The following ACSS3 variants were observed in gnomAD, a reference collection of about 807,000 sequenced individuals.
ACSS3 encodes acyl-CoA synthetase short-chain family member 3, mitochondrial.
A neutral mutation model predicts 84.2 loss-of-function variants in ACSS3; 64 were observed. The ratio of observed to expected loss-of-function variants is 0.76; its 90% CI spans 0.62 to 0.94. The LOEUF is 0.94. ACSS3 is among the 40% of genes least tolerant of loss of function. ACSS3 has a pLI of 0.00. For synonymous variants in ACSS3, 317 were observed against 310.1 expected (o/e 1.02, Z -0.23); for missense variants, 815 against 867.6 (o/e 0.94, Z 0.76).
At chr12:81,090,896 C>G (rs905885060) in intron 1 of ACSS3, among the ~76,000 whole-genome samples, 10 of 152,020 alleles carry the variant, frequency 6.6e-5, no homozygotes, top group Admixed American at 2.0e-4. Context: ...ATGCTCAAAT[C>G]CCTTATATAA....
intron 7 of ACSS3, among the ~76,000 whole-genome samples, chr12:81,167,717 A>G (rs1400559598): frequency 6.6e-6 from 1 of 152,152 alleles, no homozygotes; most frequent in Non-Finnish European, 1.5e-5. Flanking sequence ...CCACCTTCCA[A>G]CACTGTTGCA....
At chr12:81,166,559 G>T (rs1887412731) in intron 7 of ACSS3, among the ~76,000 whole-genome samples, 1 of 152,176 alleles carries the variant, frequency 6.6e-6, no homozygotes, top group Non-Finnish European at 1.5e-5. Context: ...GAAAAGCAAA[G>T]TGTACTAAAG....
intron 13 of ACSS3, among the ~76,000 whole-genome samples, chr12:81,243,388 C>G (rs7309247): frequency 0.014 from 2,129 of 152,220 alleles, 48 homozygotes; most frequent in African/African-American, 0.041. Context: ...GAACATTCCA[C>G]GCTCATGGGT....
At chr12:81,235,533 A>C (rs1296280392) in intron 13 of ACSS3, among the ~76,000 whole-genome samples, 1 of 151,224 alleles carries the variant, frequency 6.6e-6, no homozygotes, top group Admixed American at 6.6e-5. Context: ...CCCATGCATA[A>C]ATTTTGATTC....
At chr12:81,157,899 T>A (rs183865512) in intron 7 of ACSS3, among the ~76,000 whole-genome samples, 4 of 151,560 alleles carry the variant, frequency 2.6e-5, no homozygotes, top group African/African-American at 9.7e-5. Flanking sequence ...TATTTGCAGA[T>A]GGCATGATTA....
rs397851051 is a variant in ACSS3 at position 81,148,897 on chromosome 12, T to TAAAAAA, written c.922-2927_922-2922dup. Among the ~76,000 whole-genome samples the TAAAAAA allele has an allele frequency of 2.4e-4, 20 of 81,818 alleles. 1 individual carries two copies. Among genetic ancestry groups the TAAAAAA allele is most frequent in the African/African-American group, 9.7e-4 (19 of 19,658 alleles). 53.7% of individuals were successfully genotyped at this position (81,818 alleles called of 152,430 possible). A position where few individuals can be genotyped will look rare whatever the true frequency, so the allele number is the denominator to read the frequency against. ...TAGCACGGTGAAACCCTGCCTCTAC[T>TAAAAAA]AAAAAAAAAAAAAAAAAAAAAAAAA... On this transcript the variant is annotated intron_variant, in intron 5 of 15. Transcript: ENST00000548058.
rs1450721540 is a variant in ACSS3 at position 81,257,541 on chromosome 12, A to T, written c.*2619A>T. The stretch of plus-strand genomic sequence containing the variant: ...ATTTTCATAGGATTTCTTACTGTTA[A>T]GTTATTGGAAAATGAAAATATAAAG... On this transcript the variant is annotated 3_prime_UTR_variant, in exon 16 of 16. Transcript: ENST00000548058. 2.0e-5 allele frequency: 3 copies of T among 152,158 alleles called. No homozygotes were observed. Among genetic ancestry groups the T allele is most frequent in the Non-Finnish European group, 4.4e-5 (3 of 68,020 alleles). The allele number at this position is 152,158 out of a possible 1,614,324, so 9.4% of individuals were successfully genotyped here. A position where few individuals can be genotyped will look rare whatever the true frequency, so the allele number is the denominator to read the frequency against.
In ACSS3 at chr12:81,231,019, C is replaced by T. The variant is rs769715797; in HGVS notation, c.1515-38C>T. On this transcript the variant is annotated intron_variant, in intron 11 of 15. Coordinates refer to ENST00000548058, the MANE Select transcript of ACSS3 (RefSeq NM_024560.4). ...TCTAATCAACCTGTCTTTATTACCA[C>T]TTTCATCATAATTTTAACTTCTCTG... The T allele has an allele frequency of 9.4e-6, 14 of 1,487,068 alleles. No homozygotes were observed. The South Asian group carries it at 1.4e-4, about 15-fold the overall frequency. The allele number at this position is 1,487,068 out of a possible 1,614,324, so 92.1% of individuals were successfully genotyped here. A position where few individuals can be genotyped will look rare whatever the true frequency, so the allele number is the denominator to read the frequency against.
rs540281204 is a variant in ACSS3 at position 81,207,557 on chromosome 12, CT to C, written c.1354+8114del. Among the ~76,000 whole-genome samples the C allele has an allele frequency of 2.3e-3, 344 of 152,202 alleles. 3 individuals are homozygous for C. Among genetic ancestry groups the C allele is most frequent in the African/African-American group, 8.1e-3 (336 of 41,540 alleles). ...AAGAATTCCTGGCATATAGTCAGCA[CT>C]CAAAAAATATTATTTTTATTTTCCT... On this transcript the variant is annotated intron_variant, in intron 9 of 15. Coordinates refer to ENST00000548058, the MANE Select transcript of ACSS3 (RefSeq NM_024560.4).
At position 81,197,971 on chromosome 12, in the gene ACSS3, T is replaced by G. The variant is rs144494423; in HGVS notation, c.1251-1370T>G. The stretch of plus-strand genomic sequence containing the variant: ...CCGCTTAGCCTCCCAGGTCACTGAT[T>G]GAGTCCATAAAAAACAACTGGCTGT... On this transcript the variant is annotated intron_variant, in intron 8 of 15. Transcript: ENST00000548058. Among the ~76,000 whole-genome samples the G allele has an allele frequency of 5.4e-3, 818 of 152,254 alleles. 9 individuals are homozygous for G. The highest frequency in any genetic ancestry group is 0.016 in the African/African-American group (649 of 41,552).
At chr12:81,177,409 A>C (rs572166464) in intron 8 of ACSS3, among the ~76,000 whole-genome samples, 7 of 152,282 alleles carry the variant, frequency 4.6e-5, no homozygotes, top group Admixed American at 3.9e-4. Flanking sequence ...TACTTAGAAA[A>C]CCCTATAGTC....
chr12:81,083,365 T>TTTC (rs1387663859), intron 1 of ACSS3, among the ~76,000 whole-genome samples: 3 of 150,308 alleles, frequency 2.0e-5, no homozygotes, highest in Non-Finnish European at 3.0e-5. Context: ...GGTCTTTTTT[T>TTTC]TTTTTCTTTT....
intron 2 of ACSS3, among the ~76,000 whole-genome samples, chr12:81,121,915 ATAT>A (rs10527532): frequency 1.6e-3 from 240 of 146,122 alleles, no homozygotes; most frequent in East Asian, 3.9e-3. Flanking sequence ...AGAGTATGCT[ATAT>A]TATTATTATT....
chr12:81,104,309 G>T (rs1882783527), intron 1 of ACSS3, among the ~76,000 whole-genome samples: 1 of 152,060 alleles, frequency 6.6e-6, no homozygotes, highest in Admixed American at 6.6e-5. Flanking sequence ...CTTTCTCTCT[G>T]TGACTACAGA....
rs193132562 is a variant in ACSS3, at chr12:81,246,926, G to A, written c.1720-6381G>A. On this transcript the variant is annotated intron_variant, in intron 13 of 15. Coordinates refer to ENST00000548058, the MANE Select transcript of ACSS3 (RefSeq NM_024560.4). Reference sequence around the variant, plus strand: ...ATAGCAAACGTGCTTATGTACCCCCGAATCTAAAAGTTAAAAAAATTAAAA... The same window carrying A: ...ATAGCAAACGTGCTTATGTACCCCCAAATCTAAAAGTTAAAAAAATTAAAA... Among the ~76,000 whole-genome samples the A allele has an allele frequency of 2.2e-3, 338 of 152,094 alleles. 1 individual carries two copies. The highest frequency in any genetic ancestry group is 7.8e-3 in the African/African-American group (323 of 41,498).
At chr12:81,191,296 C>T (rs890686151) in intron 8 of ACSS3, among the ~76,000 whole-genome samples, 1 of 151,942 alleles carries the variant, frequency 6.6e-6, no homozygotes, top group Admixed American at 6.6e-5. Context: ...GTTTTACCTG[C>T]CCTAAAAATC....
intron 13 of ACSS3, among the ~76,000 whole-genome samples, chr12:81,248,305 A>C (rs2034047033): frequency 6.6e-6 from 1 of 152,082 alleles, no homozygotes; most frequent in Admixed American, 6.6e-5. Context: ...AATCAACCTA[A>C]GCGATCATCA....
intron 3 of ACSS3, among the ~76,000 whole-genome samples, chr12:81,136,943 A>T (rs1885834214): frequency 6.6e-6 from 1 of 152,088 alleles, no homozygotes; most frequent in African/African-American, 2.4e-5. Flanking sequence ...TCAGAGCAAG[A>T]GATGGTTGAC....
intron 1 of ACSS3, among the ~76,000 whole-genome samples, chr12:81,081,296 T>G (rs533654697): frequency 6.6e-6 from 1 of 152,324 alleles, no homozygotes; most frequent in Admixed American, 6.5e-5. Flanking sequence ...AGTGAATGAC[T>G]CTATTAAATG....
Sources: allele counts gnomAD v4.1 joint callset (sites outside exome capture counted in the v4.1 genomes callset), GRCh38; gene constraint gnomAD v4.1.1; transcripts MANE v1.5; gene names NCBI Gene and HGNC (gene_info 2026-07-23, HGNC 2026-07-21).